The following KCNB2 variants were observed in gnomAD, a reference collection of about 807,000 sequenced individuals.
KCNB2 encodes delayed rectifier potassium channel protein.
Under a neutral mutation model 61.5 loss-of-function variants are expected in KCNB2, and 15 were observed. The observed-to-expected ratio is 0.24, with a 90% CI of 0.16 to 0.38. KCNB2 has a LOEUF of 0.38. Ranked by LOEUF, KCNB2 falls within the 10% of genes least tolerant of loss-of-function variation. The probability of loss-of-function intolerance (pLI) is 1.00; values close to 1 mark genes in which losing one functional copy is unlikely to be tolerated. For synonymous variants in KCNB2, 457 were observed against 446.0 expected (o/e 1.02, Z -0.31); for missense variants, 828 against 1,125.2 (o/e 0.74, Z 3.78).
intron 1 of KCNB2, among the ~76,000 whole-genome samples, chr8:72,549,642 T>C (rs1016017631): frequency 6.6e-6 from 1 of 152,198 alleles, no homozygotes. Flanking sequence ...CCTGCTGTCG[T>C]CATATTTCTT....
At chr8:72,725,521 A>ATG (rs1280597907) in intron 2 of KCNB2, among the ~76,000 whole-genome samples, 2 of 45,140 alleles carry the variant, frequency 4.4e-5, no homozygotes, top group African/African-American at 2.9e-4. Flanking sequence ...ATATATATAT[A>ATG]TATATATATA....
chr8:72,572,776 T>G (rs540200162), intron 2 of KCNB2, among the ~76,000 whole-genome samples: 5 of 152,282 alleles, frequency 3.3e-5, no homozygotes, highest in African/African-American at 9.6e-5. Context: ...GGGCCACAAA[T>G]GATGGTACTA....
intron 2 of KCNB2, among the ~76,000 whole-genome samples, chr8:72,628,750 A>G (rs560617540): frequency 6.6e-6 from 1 of 152,166 alleles, no homozygotes; most frequent in East Asian, 1.9e-4. Context: ...ACATTTGGGA[A>G]TAGGCCGAGC....
At chr8:72,693,463 A>G (rs1205784108) in intron 2 of KCNB2, among the ~76,000 whole-genome samples, 1 of 152,130 alleles carries the variant, frequency 6.6e-6, no homozygotes, top group South Asian at 2.1e-4. Flanking sequence ...TGTGCCATAC[A>G]GGGAGCATAA....
intron 2 of KCNB2, among the ~76,000 whole-genome samples, chr8:72,587,166 G>A (rs2128981081): frequency 6.6e-6 from 1 of 152,250 alleles, no homozygotes; most frequent in Admixed American, 6.5e-5. Context: ...TGAACTTGAT[G>A]AAACAGGTCA....
chr8:72,765,396 T>C (rs1006104257), intron 2 of KCNB2, among the ~76,000 whole-genome samples: 1 of 152,236 alleles, frequency 6.6e-6, no homozygotes, highest in Non-Finnish European at 1.5e-5. Context: ...ATGGCAATTC[T>C]CTGCTAATTT....
chr8:72,687,825 A>G (rs1047633138), intron 2 of KCNB2, among the ~76,000 whole-genome samples: 5 of 152,180 alleles, frequency 3.3e-5, no homozygotes, highest in African/African-American at 1.2e-4. Context: ...TGATGCCTCC[A>G]TATTCCATGT....
At chr8:72,692,442 G>A (rs915276801) in intron 2 of KCNB2, among the ~76,000 whole-genome samples, 1 of 152,082 alleles carries the variant, frequency 6.6e-6, no homozygotes, top group Non-Finnish European at 1.5e-5. Context: ...GAATGGACAG[G>A]TTCCCATGTT....
At chr8:72,696,267 C>T (rs1053811858) in intron 2 of KCNB2, among the ~76,000 whole-genome samples, 1 of 152,098 alleles carries the variant, frequency 6.6e-6, no homozygotes, top group Non-Finnish European at 1.5e-5. Flanking sequence ...TATAATCTAG[C>T]TGGGAGATAA....
intron 2 of KCNB2, among the ~76,000 whole-genome samples, chr8:72,816,315 A>C (rs1809395552): frequency 6.6e-6 from 1 of 152,216 alleles, no homozygotes; most frequent in Non-Finnish European, 1.5e-5. Context: ...CCAATGCATC[A>C]GCCAGGTTTT....
chr8:72,834,150 C>T (rs1809741627), intron 2 of KCNB2, among the ~76,000 whole-genome samples: 1 of 152,148 alleles, frequency 6.6e-6, no homozygotes, highest in Non-Finnish European at 1.5e-5. Context: ...ATTTAACCTA[C>T]ACAGGAATCA....
chr8:72,637,195 C>T (rs930736397), intron 2 of KCNB2, among the ~76,000 whole-genome samples: 8 of 152,210 alleles, frequency 5.3e-5, no homozygotes, highest in Middle Eastern at 3.4e-3. Context: ...TATGAGGATG[C>T]GATGGTTTAC....
intron 2 of KCNB2, among the ~76,000 whole-genome samples, chr8:72,853,632 G>A (rs371495292): frequency 2.0e-5 from 3 of 152,170 alleles, no homozygotes; most frequent in African/African-American, 7.2e-5. Context: ...ATTAAGCAAT[G>A]CATCATTAGG....
chr8:72,612,773 T>C (rs1011290779), intron 2 of KCNB2, among the ~76,000 whole-genome samples: 2 of 152,170 alleles, frequency 1.3e-5, no homozygotes, highest in Admixed American at 1.3e-4. Context: ...ATGATTTTGG[T>C]CCTTAGAACT....
At chr8:72,636,739 T>C (rs1270107622) in intron 2 of KCNB2, among the ~76,000 whole-genome samples, 4 of 152,168 alleles carry the variant, frequency 2.6e-5, no homozygotes, top group Non-Finnish European at 4.4e-5. Context: ...TCAAGTCAAA[T>C]CTTATGGTCT....
rs909181202 is a variant in KCNB2 at position 72,615,357 on chromosome 8, C to G, written c.579+47044C>G. 2.0e-5 allele frequency among the ~76,000 whole-genome samples: 3 copies of G among 152,182 alleles called. No individual in the cohort carries two copies. The East Asian group carries it at 5.8e-4, about 29-fold the overall frequency. Reference sequence around the variant, plus strand: ...ACTGCTACATGGCTCTGAAATCACACACTGAGGGGCATACGAGGCACAAGA... The same window carrying G: ...ACTGCTACATGGCTCTGAAATCACAGACTGAGGGGCATACGAGGCACAAGA... On this transcript the variant is annotated intron_variant, in intron 2 of 2. Coordinates refer to ENST00000523207, the MANE Select transcript of KCNB2 (RefSeq NM_004770.3).
intron 2 of KCNB2, among the ~76,000 whole-genome samples, chr8:72,871,742 GCTTT>G (rs1297447542): frequency 2.0e-5 from 3 of 152,092 alleles, no homozygotes; most frequent in Admixed American, 6.5e-5. Context: ...ATTAAAAAGG[GCTTT>G]CAAGGTATAT....
chr8:72,583,634 T>C (rs566337332), intron 2 of KCNB2, among the ~76,000 whole-genome samples: 2 of 152,266 alleles, frequency 1.3e-5, no homozygotes, highest in South Asian at 4.2e-4. Context: ...TTCTGAGCAG[T>C]AGTGATCTGA....
At chr8:72,776,347 A>G (rs1217453346) in intron 2 of KCNB2, among the ~76,000 whole-genome samples, 1 of 152,168 alleles carries the variant, frequency 6.6e-6, no homozygotes, top group Non-Finnish European at 1.5e-5. Context: ...ACATGTATAC[A>G]TATGTAACAA....
Sources: allele counts gnomAD v4.1 joint callset (sites outside exome capture counted in the v4.1 genomes callset), GRCh38; gene constraint gnomAD v4.1.1; transcripts MANE v1.5; gene names NCBI Gene and HGNC (gene_info 2026-07-23, HGNC 2026-07-21).